The following ZFPM1 variants were observed in gnomAD, a reference collection of about 807,000 sequenced individuals.
ZFPM1 encodes zinc finger protein ZFPM1.
A neutral mutation model predicts 46.3 loss-of-function variants in ZFPM1; 28 were observed. The ratio of observed to expected loss-of-function variants is 0.60; its 90% CI spans 0.45 to 0.83. The LOEUF is 0.83. Ranked by LOEUF, ZFPM1 falls within the 40% of genes least tolerant of loss-of-function variation. The pLI is 0.00. For missense variants in ZFPM1, 1,878 were observed against 1,432.4 expected (o/e 1.31, Z -5.02); for synonymous variants, 957 against 675.9 (o/e 1.42, Z -6.45).
chr16:88,526,753 G>A, intron 4 of ZFPM1, 61 bp from the exon 5 acceptor site: 1 of 1,520,974 alleles, frequency 6.6e-7, no homozygotes, highest in Admixed American at 2.0e-5. Flanking sequence ...CATACTCACG[G>A]GAACCCCCAG....
intron 3 of ZFPM1, among the ~76,000 whole-genome samples, chr16:88,495,025 G>A (rs563202305): frequency 4.1e-4 from 62 of 152,050 alleles, no homozygotes; most frequent in African/African-American, 1.4e-3. Context: ...ATCCCTGCAC[G>A]CGCTCGGGAG....
chr16:88,514,656 G>A, intron 4 of ZFPM1, 136 bp downstream of exon 4: 1 of 1,213,240 alleles, frequency 8.2e-7, no homozygotes. Flanking sequence ...ATTGGGACCT[G>A]GAGGATAGGG....
chr16:88,483,697 G>A (rs1384351439), intron 1 of ZFPM1, among the ~76,000 whole-genome samples: 2 of 152,186 alleles, frequency 1.3e-5, no homozygotes, highest in Admixed American at 1.3e-4. Flanking sequence ...CAGCGATCTG[G>A]TGCACCCCTG....
rs573487849 is a variant in ZFPM1, at chr16:88,535,105, C to A, written c.*126C>A. The A allele has an allele frequency of 3.3e-6, 4 of 1,214,166 alleles. No individual in the cohort carries two copies. The highest frequency in any genetic ancestry group is 3.7e-5 in the Admixed American group (1 of 27,064). The allele number at this position is 1,214,166 out of a possible 1,614,324, so 75.2% of individuals were successfully genotyped here. On this transcript the variant is annotated 3_prime_UTR_variant, in exon 10 of 10. Coordinates refer to ENST00000319555, the MANE Select transcript of ZFPM1 (RefSeq NM_153813.3). ...ACGCACAGGCCTCGGCGGAGGGGGC[C>A]GCAGGGGGCAGCGCCCGCCTGGACC...
intron 3 of ZFPM1, among the ~76,000 whole-genome samples, chr16:88,502,960 G>A (rs892777922): frequency 9.2e-5 from 14 of 152,222 alleles, no homozygotes; most frequent in African/African-American, 2.7e-4. Flanking sequence ...TTTAGCTGTC[G>A]TTCCTCCAAC....
intron 3 of ZFPM1, among the ~76,000 whole-genome samples, chr16:88,498,071 G>A (rs762900424): frequency 1.3e-5 from 2 of 152,182 alleles, no homozygotes; most frequent in African/African-American, 2.4e-5. Flanking sequence ...GATTAACGGC[G>A]GAGGAGGGGG....
At chr16:88,495,584 C>T (rs550133853) in intron 3 of ZFPM1, among the ~76,000 whole-genome samples, 2 of 152,292 alleles carry the variant, frequency 1.3e-5, no homozygotes, top group Admixed American at 6.5e-5. Flanking sequence ...GTGCAGGCAC[C>T]GAGGGTGGGA....
chr16:88,498,068 G>T (rs912801289), intron 3 of ZFPM1, among the ~76,000 whole-genome samples: 3 of 152,188 alleles, frequency 2.0e-5, no homozygotes, highest in Non-Finnish European at 4.4e-5. Context: ...TTAGATTAAC[G>T]GCGGAGGAGG....
intron 4 of ZFPM1, among the ~76,000 whole-genome samples, chr16:88,519,952 T>C (rs1256178197): frequency 6.8e-6 from 1 of 146,584 alleles, no homozygotes; most frequent in Non-Finnish European, 1.5e-5. Context: ...GATGGATGAA[T>C]GGATGGATGG....
chr16:88,507,455 A>T (rs182339367), intron 3 of ZFPM1, among the ~76,000 whole-genome samples: 1 of 152,252 alleles, frequency 6.6e-6, no homozygotes, highest in Non-Finnish European at 1.5e-5. Context: ...GATCCAGGGA[A>T]CACACTGACT....
intron 1 of ZFPM1, among the ~76,000 whole-genome samples, chr16:88,463,469 G>A (rs1266256476): frequency 2.6e-5 from 4 of 152,250 alleles, no homozygotes; most frequent in Non-Finnish European, 4.4e-5. Flanking sequence ...CAGGTTCACC[G>A]GTGTCACAGC....
At chr16:88,458,534 T>G (rs1187084645) in intron 1 of ZFPM1, among the ~76,000 whole-genome samples, 3 of 152,216 alleles carry the variant, frequency 2.0e-5, no homozygotes, top group Non-Finnish European at 4.4e-5. Context: ...ATCTCCTGTT[T>G]CTATGCCAAC....
chr16:88,474,700 G>A (rs765381730), intron 1 of ZFPM1, among the ~76,000 whole-genome samples: 6 of 152,256 alleles, frequency 3.9e-5, no homozygotes, highest in Non-Finnish European at 5.9e-5. Context: ...ACGCCAGCCC[G>A]CTCTTCTCCA....
intron 4 of ZFPM1, 38 bp downstream of exon 4, chr16:88,514,558 C>G: frequency 1.3e-6 from 2 of 1,531,634 alleles, no homozygotes; most frequent in African/African-American, 1.4e-5. Context: ...CCGCCCACCC[C>G]AATGCAGGGC....
chr16:88,514,643 G>A (rs1911180800), intron 4 of ZFPM1, 123 bp downstream of exon 4: 1 of 1,293,372 alleles, frequency 7.7e-7, no homozygotes, highest in African/African-American at 1.5e-5. Flanking sequence ...GTGGGCCTGA[G>A]ATATTGGGAC....
intron 1 of ZFPM1, among the ~76,000 whole-genome samples, chr16:88,465,441 C>G (rs1908090963): frequency 6.6e-6 from 1 of 152,246 alleles, no homozygotes; most frequent in Non-Finnish European, 1.5e-5. Context: ...TGGGCCATGT[C>G]TCTGTGCCTC....
At chr16:88,478,235 C>T (rs1432277966) in intron 1 of ZFPM1, among the ~76,000 whole-genome samples, 1 of 152,248 alleles carries the variant, frequency 6.6e-6, no homozygotes, top group Admixed American at 6.5e-5. Context: ...CCTGGAGGTT[C>T]AGCCACGTGC....
Position 88,453,283 on chromosome 16 carries a change from C to A in ZFPM1, c.-356C>A, listed in dbSNP as rs1295135277. On this transcript the variant is annotated 5_prime_UTR_variant, in exon 1 of 10. Coordinates refer to ENST00000319555, the MANE Select transcript of ZFPM1 (RefSeq NM_153813.3). ...CCCGGCCCCGCCCCGTGCCTCCAGC[C>A]CGCCAGGAGCGCCCTCGCAGTGGCC... 3 of 147,008 alleles carry A rather than the reference C, an allele frequency of 2.0e-5. No homozygotes were observed. The highest frequency in any genetic ancestry group is 4.5e-5 in the Non-Finnish European group (3 of 66,014). 9.1% of individuals were successfully genotyped at this position (147,008 alleles called of 1,614,324 possible).
intron 4 of ZFPM1, among the ~76,000 whole-genome samples, chr16:88,521,627 G>A (rs1911895306): frequency 9.8e-6 from 1 of 101,892 alleles, no homozygotes; most frequent in South Asian, 3.4e-4. Context: ...CCCAACCCGT[G>A]CTATTCCCTC....
Sources: gnomAD v4.1 joint callset for allele counts (sites outside exome capture counted in the v4.1 genomes callset) on GRCh38, gnomAD v4.1.1 for gene constraint, MANE v1.5 for transcripts, NCBI Gene and HGNC (gene_info 2026-07-23, HGNC 2026-07-21) for gene names.